C11orf65: variants seen among roughly 807,000 people sequenced by gnomAD.
C11orf65 encodes chromosome 11 open reading frame 65, also known as protein MFI.
In C11orf65, 38 loss-of-function variants were observed where a neutral mutation model predicts 35.3. The observed-to-expected ratio is 1.08, with a 90% confidence interval of 0.83 to 1.41. The LOEUF (loss-of-function observed/expected upper bound fraction) is 1.41, where lower values mean the gene tolerates loss of function less well. Among genes scored for constraint, C11orf65 ranks in the 40% most tolerant of loss-of-function variants. The pLI is 0.00. For missense variants in C11orf65, 370 were observed against 367.1 expected, an observed-to-expected ratio of 1.01 and a Z score of -0.06; for synonymous variants, 105 against 114.4, an observed-to-expected ratio of 0.92 and a Z score of 0.53.
chr11:108,465,711 G>A (rs146181497), intron 1 of C11orf65, among the ~76,000 whole-genome samples: 1,862 of 151,966 alleles, frequency 0.012, 111 homozygotes, highest in Admixed American at 0.11. Flanking sequence ...AAGGCTGGGC[G>A]CGGTGGCTCA....
At position 108,455,161 on chromosome 11, in the gene C11orf65, G is replaced by C. The variant is rs555544632; in HGVS notation, c.81+6318C>G. Among the ~76,000 whole-genome samples the C allele has an allele frequency of 2.0e-5, 3 of 152,210 alleles. No individual in the cohort carries two copies. The East Asian group carries it at 5.8e-4, about 29-fold the overall frequency. On this transcript the variant is annotated intron_variant, in intron 2 of 8. Coordinates refer to ENST00000393084, the MANE Select transcript of C11orf65 (RefSeq NM_152587.5). The stretch of plus-strand genomic sequence containing the variant: ...CTAACATCATACTCAATGGTGAAAA[G>C]TTAAAAGTTTCTTCTCTAAGATCAG...
intron 2 of C11orf65, among the ~76,000 whole-genome samples, chr11:108,359,106 C>T (rs1217417186): frequency 6.7e-6 from 1 of 148,614 alleles, no homozygotes; most frequent in African/African-American, 2.5e-5. Context: ...GGAAGATCTA[C>T]CAAGCAAATG....
downstream of C11orf65, among the ~76,000 whole-genome samples, chr11:108,326,751 A>G (rs2085719011): frequency 6.6e-6 from 1 of 152,236 alleles, no homozygotes; most frequent in Admixed American, 6.5e-5. Context: ...TGGTGTCCCC[A>G]AGGTTTGTCT....
rs17107917 is a variant in C11orf65, at chr11:108,317,312, C to G, written c.641-8241G>C. ...TAATTTGTATCTTTGCTGTTTTTTT[C>G]TCTGGTTTTCTGTTGATATCTTTGA... On this transcript the variant is annotated intron_variant, in intron 6 of 6. Coordinates refer to the C11orf65 transcript ENST00000525729. 0.037 allele frequency: 57,043 copies of G among 1,536,150 alleles called. 1,201 individuals carry two copies. The highest frequency in any genetic ancestry group is 0.067 in the Middle Eastern group (388 of 5,798).
At chr11:108,361,690 A>T (rs1389757976) in intron 2 of C11orf65, among the ~76,000 whole-genome samples, 1 of 151,788 alleles carries the variant, frequency 6.6e-6, no homozygotes, top group African/African-American at 2.4e-5. Context: ...AAAAACAAGC[A>T]ATGGGGAAAG....
In C11orf65 at chr11:108,317,233, C is replaced by T. The variant is rs1408102935; in HGVS notation, c.641-8162G>A. 4 of 823,358 alleles carry T rather than the reference C, an allele frequency of 4.9e-6. No homozygotes were observed. In the East Asian group the frequency reaches 9.4e-5, roughly 19 times the overall value. 51.0% of individuals were successfully genotyped at this position (823,358 alleles called of 1,614,324 possible). On this transcript the variant is annotated intron_variant, in intron 6 of 6. Transcript: ENST00000525729. The stretch of plus-strand genomic sequence containing the variant: ...AGATTACAGGCATGAGCCACCACAC[C>T]CAGCTGATATTTTGGGATTTTAAAT...
intron 2 of C11orf65, among the ~76,000 whole-genome samples, chr11:108,455,263 A>G (rs532755656): frequency 6.6e-6 from 1 of 152,324 alleles, no homozygotes; most frequent in East Asian, 1.9e-4. Context: ...AGGCAACAGA[A>G]AGAAATAAGA....
intron 5 of C11orf65, among the ~76,000 whole-genome samples, chr11:108,405,977 T>C (rs2092533065): frequency 6.6e-6 from 1 of 152,196 alleles, no homozygotes; most frequent in Non-Finnish European, 1.5e-5. Context: ...TTCCCCGTTA[T>C]GACATTTTCT....
At chr11:108,366,754 G>A (rs1291212035) in intron 2 of C11orf65, 2 of 230,640 alleles carry the variant, frequency 8.7e-6, no homozygotes, top group Non-Finnish European at 1.7e-5. Flanking sequence ...GTGCTAGTGG[G>A]CAGAATATTT....
chr11:108,461,677 G>C (rs1484765793), intron 1 of C11orf65, 109 bp from the exon 2 acceptor site: 1 of 700,234 alleles, frequency 1.4e-6, no homozygotes, highest in Non-Finnish European at 2.3e-6. Context: ...ACCCAAGCTG[G>C]AGTGCAGTGG....
intron 2 of C11orf65, chr11:108,335,379 T>C (rs1323156635): frequency 4.0e-6 from 4 of 1,008,058 alleles, no homozygotes; most frequent in Non-Finnish European, 5.5e-6. Flanking sequence ...TTGCTTCTTA[T>C]GAAAAAAAAT....
chr11:108,462,362 T>C (rs920413942), intron 1 of C11orf65, among the ~76,000 whole-genome samples: 1 of 152,174 alleles, frequency 6.6e-6, no homozygotes, highest in African/African-American at 2.4e-5. Context: ...CAATTATTGG[T>C]GATTTAATAT....
At chr11:108,408,699 A>AAAATCAAAT (rs2092597033) in intron 3 of C11orf65, among the ~76,000 whole-genome samples, 1 of 115,296 alleles carries the variant, frequency 8.7e-6, no homozygotes, top group African/African-American at 3.7e-5. Flanking sequence ...AAAATAAAAT[A>AAAATCAAAT]AAATAAAATA....
intron 2 of C11orf65, chr11:108,353,692 A>T (rs1010373678): frequency 8.1e-7 from 1 of 1,234,904 alleles, no homozygotes; most frequent in East Asian, 2.3e-5. Flanking sequence ...TGCCTTTGTA[A>T]AGTTCACATT....
Position 108,410,126 on chromosome 11 carries a change from C to A in C11orf65, c.175-2977G>T, listed in dbSNP as rs185272510. Reference sequence around the variant, plus strand: ...CTGTAATTTGCTGTACTAGTGACTACCAAAGAGTTTTCCAAATTTTTGTAA... The same window carrying A: ...CTGTAATTTGCTGTACTAGTGACTAACAAAGAGTTTTCCAAATTTTTGTAA... On this transcript the variant is annotated intron_variant, in intron 3 of 8. Transcript: ENST00000393084. 8.9e-4 allele frequency among the ~76,000 whole-genome samples: 135 copies of A among 152,210 alleles called. 1 individual carries two copies. Among genetic ancestry groups the A allele is most frequent in the African/African-American group, 2.9e-3 (121 of 41,546 alleles).
At chr11:108,357,250 G>A (rs540293929) in intron 2 of C11orf65, among the ~76,000 whole-genome samples, 2 of 152,308 alleles carry the variant, frequency 1.3e-5, no homozygotes, top group African/African-American at 4.8e-5. Flanking sequence ...CTTAAAAAAC[G>A]GCGCACCACG....
intron 6 of C11orf65, among the ~76,000 whole-genome samples, chr11:108,397,026 A>G (rs2138497247): frequency 6.6e-6 from 1 of 152,248 alleles, no homozygotes; most frequent in Admixed American, 6.5e-5. Context: ...GATCTTTTAA[A>G]AAGACCTAAA....
chr11:108,410,282 A>G (rs1344371646), intron 3 of C11orf65, among the ~76,000 whole-genome samples: 1 of 152,068 alleles, frequency 6.6e-6, no homozygotes, highest in Admixed American at 6.6e-5. Context: ...TTTTAATTGT[A>G]TTTTCTTATG....
Position 108,345,850 on chromosome 11 carries a change from A to G in C11orf65, c.227-10558T>C, listed in dbSNP as rs900737596. ...TCTGCATGGAAAAATTCTTGGATCC[A>G]GCTATTTGGTTTGAGAAGCGATTGG... On this transcript the variant is annotated intron_variant, in intron 2 of 3. Transcript: ENST00000524755. 1 of 1,613,888 alleles carries G rather than the reference A, an allele frequency of 6.2e-7. No individual in the cohort carries two copies. The highest frequency in any genetic ancestry group is 1.7e-5 in the Admixed American group (1 of 59,994).
Sources: allele counts gnomAD v4.1 joint callset (sites outside exome capture counted in the v4.1 genomes callset), GRCh38; gene constraint gnomAD v4.1.1; transcripts MANE v1.5; gene names NCBI Gene and HGNC (gene_info 2026-07-23, HGNC 2026-07-21).